The following PPP6R3 variants were observed in gnomAD, a reference collection of about 807,000 sequenced individuals.
PPP6R3 encodes protein phosphatase 6 regulatory subunit 3, also known as serine/threonine-protein phosphatase 6 regulatory subunit 3.
A neutral mutation model predicts 110.7 loss-of-function variants in PPP6R3; 38 were observed. The observed-to-expected ratio is 0.34, with a 90% CI of 0.26 to 0.45. PPP6R3 has a LOEUF of 0.45. Ranked by LOEUF, PPP6R3 falls within the 20% of genes least tolerant of loss-of-function variation. The probability of loss-of-function intolerance (pLI) is 1.00; values close to 1 mark genes in which losing one functional copy is unlikely to be tolerated. For missense variants in PPP6R3, 870 were observed against 1,062.4 expected (o/e 0.82, Z 2.52); for synonymous variants, 369 against 373.5 (o/e 0.99, Z 0.14).
intron 18 of PPP6R3, 46 bp downstream of exon 18, chr11:68,591,752 G>T: frequency 1.9e-6 from 3 of 1,568,070 alleles, no homozygotes; most frequent in South Asian, 1.2e-5. Context: ...AACCTGTAAA[G>T]AAAATGATTA....
intron 3 of PPP6R3, among the ~76,000 whole-genome samples, chr11:68,542,684 G>A (rs561766922): frequency 8.5e-5 from 13 of 152,212 alleles, no homozygotes; most frequent in African/African-American, 2.4e-4. Flanking sequence ...GTGCGCCACC[G>A]CGCTCGGCCT....
chr11:68,475,747 G>T (rs1373736914), intron 1 of PPP6R3, among the ~76,000 whole-genome samples: 1 of 151,844 alleles, frequency 6.6e-6, no homozygotes, highest in Non-Finnish European at 1.5e-5. Context: ...CTCAGACGGG[G>T]CGGCTGCCGG....
At chr11:68,528,433 T>TTTG (rs1555110024) in intron 2 of PPP6R3, among the ~76,000 whole-genome samples, 1 of 127,448 alleles carries the variant, frequency 7.8e-6, no homozygotes, top group African/African-American at 3.0e-5. Flanking sequence ...TTTGTGTGTG[T>TTTG]GGGGGGGGGG....
chr11:68,480,771 A>G (rs1037579144), intron 1 of PPP6R3, among the ~76,000 whole-genome samples: 2 of 152,212 alleles, frequency 1.3e-5, no homozygotes, highest in African/African-American at 4.8e-5. Flanking sequence ...ATATTTTAAA[A>G]ATTACAATAG....
intron 18 of PPP6R3, among the ~76,000 whole-genome samples, chr11:68,594,878 C>T (rs1271564610): frequency 6.6e-6 from 1 of 152,164 alleles, no homozygotes; most frequent in African/African-American, 2.4e-5. Context: ...GGGCATAGAT[C>T]AGTGGAACAG....
Position 68,548,058 on chromosome 11 carries a change from C to T in PPP6R3, c.415-9C>T. The T allele has an allele frequency of 6.2e-7, 1 of 1,610,438 alleles. No homozygotes were observed. Among genetic ancestry groups the T allele is most frequent in the Non-Finnish European group, 8.5e-7 (1 of 1,178,162 alleles). Reference sequence around the variant, plus strand: ...CATGTCTTTCAGTTTCTGATCTGTTCTTCTCTAGATTGTGGATTTCTTAAA... The same window carrying T: ...CATGTCTTTCAGTTTCTGATCTGTTTTTCTCTAGATTGTGGATTTCTTAAA... On this transcript the variant is annotated splice_polypyrimidine_tract_variant and intron_variant, in intron 4 of 23. Transcript: ENST00000393800.
At chr11:68,548,512 A>C (rs578126350) in intron 5 of PPP6R3, among the ~76,000 whole-genome samples, 1 of 152,110 alleles carries the variant, frequency 6.6e-6, no homozygotes, top group South Asian at 2.1e-4. Context: ...ATTTGTCTTG[A>C]AGCTGGTTCT....
chr11:68,467,426 A>C (rs929585956), intron 1 of PPP6R3, among the ~76,000 whole-genome samples: 11 of 152,256 alleles, frequency 7.2e-5, no homozygotes, highest in Non-Finnish European at 1.0e-4. Flanking sequence ...AGCAGGACTA[A>C]AACGGCTGCA....
chr11:68,492,771 T>C (rs919812291), intron 1 of PPP6R3, among the ~76,000 whole-genome samples: 1 of 152,206 alleles, frequency 6.6e-6, no homozygotes, highest in African/African-American at 2.4e-5. Flanking sequence ...AGCTAGCACC[T>C]CTTTTTGAGT....
At chr11:68,526,573 C>T (rs1224383954) in intron 2 of PPP6R3, among the ~76,000 whole-genome samples, 2 of 152,142 alleles carry the variant, frequency 1.3e-5, no homozygotes, top group Admixed American at 6.5e-5. Flanking sequence ...TACCATCTTA[C>T]CTCTATTCAC....
At chr11:68,608,050 A>G (rs1399709912) in intron 22 of PPP6R3, among the ~76,000 whole-genome samples, 1 of 147,412 alleles carries the variant, frequency 6.8e-6, no homozygotes, top group Non-Finnish European at 1.5e-5. Context: ...AAAAAAAAAA[A>G]GCCTTCAAAA....
intron 1 of PPP6R3, among the ~76,000 whole-genome samples, chr11:68,477,733 AAAAAAAAAATATAT>A: frequency 2.5e-5 from 1 of 39,592 alleles, no homozygotes; most frequent in African/African-American, 7.5e-5. Flanking sequence ...TCTCTTAAAA[AAAAAAAAAATATAT>A]ATATATATAT....
chr11:68,551,147 G>A lies in PPP6R3; in HGVS notation c.579G>A (p.Gln193=). Reference sequence around the variant, plus strand: ...GGTTAAATGAGGAGAAAATTATCCAGAGGCTTGTGGAAATAGTTCATCCAT... The same window carrying A: ...GGTTAAATGAGGAGAAAATTATCCAAAGGCTTGTGGAAATAGTTCATCCAT... ...LNWLNEEKII[Q]RLVEIVHPSQ... Residue 193 remains glutamine, a synonymous_variant, in exon 6 of 24, where the codon CAG becomes CAA. Coordinates refer to ENST00000393800, the MANE Select transcript of PPP6R3 (RefSeq NM_001164161.2). The A allele has an allele frequency of 6.2e-7, 1 of 1,611,288 alleles. No individual in the cohort carries two copies. Among genetic ancestry groups the A allele is most frequent in the South Asian group, 1.1e-5 (1 of 90,824 alleles).
chr11:68,493,906 A>G (rs2098999259), intron 1 of PPP6R3, among the ~76,000 whole-genome samples: 3 of 148,162 alleles, frequency 2.0e-5, no homozygotes, highest in Admixed American at 1.3e-4. Context: ...ATCAAGACCA[A>G]TTTGGCTAAC....
Position 68,574,649 on chromosome 11 carries a change from C to T in PPP6R3, c.1459+425C>T, listed in dbSNP as rs578253352. Among the ~76,000 whole-genome samples, 3 of 152,274 alleles carry T rather than the reference C, an allele frequency of 2.0e-5. No individual in the cohort carries two copies. The South Asian group carries it at 6.2e-4, about 32-fold the overall frequency. ...AGTTTCTTTAACTGGAATATTAGGG[C>T]ATTTATCAGCATTTCTTTGATGTCG... On this transcript the variant is annotated intron_variant, in intron 13 of 23. Transcript: ENST00000393800.
chr11:68,488,426 G>A (rs1413575831), intron 1 of PPP6R3, among the ~76,000 whole-genome samples: 4 of 152,014 alleles, frequency 2.6e-5, no homozygotes, highest in Non-Finnish European at 2.9e-5. Flanking sequence ...CTCCTATCTC[G>A]GCCTCCCAAA....
intron 1 of PPP6R3, among the ~76,000 whole-genome samples, chr11:68,491,509 A>AT (rs1025159428): frequency 3.9e-5 from 6 of 151,988 alleles, no homozygotes; most frequent in East Asian, 1.9e-4. Flanking sequence ...GTGCCCAGCT[A>AT]TTTTTTTAAA....
intron 6 of PPP6R3, 32 bp downstream of exon 6, chr11:68,551,218 T>TA: frequency 6.5e-7 from 1 of 1,533,246 alleles, no homozygotes; most frequent in Admixed American, 1.9e-5. Context: ...TAAACTTGAT[T>TA]AGAAAAAAAA....
At chr11:68,610,272 C>T (rs1055813126) in intron 23 of PPP6R3, among the ~76,000 whole-genome samples, 2 of 152,302 alleles carry the variant, frequency 1.3e-5, no homozygotes, top group East Asian at 1.9e-4. Flanking sequence ...TAACATCACT[C>T]GCTCTTTTAG....
Sources: gnomAD v4.1 joint callset for allele counts (sites outside exome capture counted in the v4.1 genomes callset) on GRCh38, gnomAD v4.1.1 for gene constraint, MANE v1.5 for transcripts, NCBI Gene and HGNC (gene_info 2026-07-23, HGNC 2026-07-21) for gene names.